The following ABHD5 variants were observed in gnomAD, a reference collection of about 807,000 sequenced individuals.
The protein encoded by ABHD5 is abhydrolase domain containing 5, lysophosphatidic acid acyltransferase.
ABHD5 carries 30 observed loss-of-function variants against 44.9 expected under a neutral mutation model. The observed-to-expected ratio is 0.67, with a 90% CI of 0.50 to 0.91. The LOEUF is 0.91. Among genes scored for constraint, ABHD5 ranks in the 40% least tolerant of loss-of-function variants. The pLI is 0.00. For missense variants in ABHD5, 399 were observed against 423.4 expected, an observed-to-expected ratio of 0.94 and a Z score of 0.50; for synonymous variants, 167 against 147.0, an observed-to-expected ratio of 1.14 and a Z score of -0.99.
intron 1 of ABHD5, 95 bp downstream of exon 1, chr3:43,691,134 G>A (rs1374980835): frequency 5.0e-5 from 62 of 1,248,714 alleles, no homozygotes; most frequent in Non-Finnish European, 6.2e-5. Flanking sequence ...AGGAGTCGCC[G>A]CCCGCCTGGC....
chr3:43,704,105 T>G (rs2149597316), intron 3 of ABHD5, among the ~76,000 whole-genome samples: 1 of 147,184 alleles, frequency 6.8e-6, no homozygotes, highest in South Asian at 2.2e-4. Flanking sequence ...TGGCGCGGTA[T>G]CTCGGCTCAC....
chr3:43,715,139 AT>A (rs928793904), intron 5 of ABHD5, 81 bp downstream of exon 5: 38 of 941,922 alleles, frequency 4.0e-5, no homozygotes, highest in Non-Finnish European at 4.9e-5. Flanking sequence ...GTTTTAGACT[AT>A]TTTTTTTAAA....
At chr3:43,694,148 A>G (rs1412562386) in intron 1 of ABHD5, among the ~76,000 whole-genome samples, 2 of 150,992 alleles carry the variant, frequency 1.3e-5, no homozygotes, top group Non-Finnish European at 2.9e-5. Flanking sequence ...AGTCCCAGCT[A>G]CTCGGGAGGC....
intron 2 of ABHD5, 146 bp downstream of exon 2, chr3:43,699,507 A>G (rs943251795): frequency 2.4e-6 from 2 of 825,354 alleles, no homozygotes; most frequent in Non-Finnish European, 4.0e-6. Flanking sequence ...ATTAGAAAGT[A>G]CAGAAATGAA....
intron 3 of ABHD5, among the ~76,000 whole-genome samples, chr3:43,704,120 A>C (rs1297331073): frequency 2.8e-5 from 4 of 142,602 alleles, no homozygotes; most frequent in African/African-American, 1.1e-4. Context: ...GCTCACCGCA[A>C]CCTCCGTCTC....
intron 4 of ABHD5, among the ~76,000 whole-genome samples, chr3:43,714,333 C>A (rs1377733434): frequency 4.6e-5 from 7 of 151,870 alleles, no homozygotes; most frequent in Admixed American, 6.6e-5. Flanking sequence ...CAGGGTTTCA[C>A]CGTGTTGGTC....
chr3:43,710,616 TACTA>T (rs1441627124), intron 3 of ABHD5, among the ~76,000 whole-genome samples: 1 of 152,250 alleles, frequency 6.6e-6, no homozygotes, highest in African/African-American at 2.4e-5. Context: ...ATGGACCTGT[TACTA>T]ACTTATTCTT....
chr3:43,701,985 C>T, intron 2 of ABHD5: 1 of 469,070 alleles, frequency 2.1e-6, no homozygotes, highest in Non-Finnish European at 3.8e-6. Context: ...ACCTTGATCA[C>T]AGGTTACTTG....
At chr3:43,703,623 G>A (rs530440981) in intron 3 of ABHD5, among the ~76,000 whole-genome samples, 1 of 152,292 alleles carries the variant, frequency 6.6e-6, no homozygotes, top group South Asian at 2.1e-4. Context: ...AATGAATACA[G>A]CATTTTTGTG....
intron 3 of ABHD5, among the ~76,000 whole-genome samples, chr3:43,703,315 A>G (rs574684143): frequency 1.8e-4 from 27 of 152,016 alleles, no homozygotes; most frequent in African/African-American, 6.0e-4. Flanking sequence ...AATAGCTGTG[A>G]CTACAGGTGC....
chr3:43,722,762 G>T (rs1465739079), downstream of ABHD5: 3 of 152,238 alleles, frequency 2.0e-5, no homozygotes, highest in East Asian at 5.8e-4. Context: ...TATTGGTAGT[G>T]TCATTTGGGT....
chr3:43,724,318 A>T (rs111708106), downstream of ABHD5, among the ~76,000 whole-genome samples: 16 of 152,284 alleles, frequency 1.1e-4, no homozygotes, highest in African/African-American at 3.8e-4. Context: ...GGGGTGATGT[A>T]TCAGCAAGGC....
rs1411206117 is a variant in ABHD5 at position 43,713,470 on chromosome 3, AC to A, written c.662-1474del. Among the ~76,000 whole-genome samples the A allele has an allele frequency of 5.3e-5, 8 of 152,166 alleles. No homozygotes were observed. The East Asian group carries it at 5.8e-4, about 11-fold the overall frequency. On this transcript the variant is annotated intron_variant, in intron 4 of 6. Transcript: ENST00000644371. ...TGTAAATGCTGTTCCCTTCTGCCCAACCCTGACCCCTCCTGCCCTAGTGCCT... is the reference window on the plus strand; with the variant it reads ...TGTAAATGCTGTTCCCTTCTGCCCAACCTGACCCCTCCTGCCCTAGTGCCT...
chr3:43,702,248 G>A lies in ABHD5; in HGVS notation c.167G>A (p.Arg56His), dbSNP rs757742884. 2.3e-5 allele frequency: 36 copies of A among 1,592,402 alleles called. No individual in the cohort carries two copies. Among genetic ancestry groups the A allele is most frequent in the Middle Eastern group, 1.7e-4 (1 of 5,986 alleles). Residue 56 changes from arginine to histidine, a missense_variant, in exon 3 of 7, where the codon CGT (arginine) becomes CAT (histidine). Physicochemically the swap from Arg to His is conservative, Grantham distance 29 (BLOSUM62 0). Transcript: ENST00000644371. ...TGCACATACAAAAAAGAACCTGTTC[G>A]TATATCTAATGGAAATAAAATATGG... ...VPCTYKKEPV[R>H]ISNGNKIWTL...
chr3:43,715,116 T>TGTGTGTGTGTGG, intron 5 of ABHD5, 58 bp downstream of exon 5: 1 of 1,152,720 alleles, frequency 8.7e-7, no homozygotes, highest in African/African-American at 1.5e-5. Flanking sequence ...TGTGTGTGTG[T>TGTGTGTGTGTGG]GTGTTTGTGT....
chr3:43,714,869 C>A, intron 4 of ABHD5, 78 bp from the exon 5 acceptor site: 3 of 1,016,846 alleles, frequency 3.0e-6, no homozygotes, highest in Non-Finnish European at 4.6e-6. Context: ...CAGACAAGCA[C>A]TAAAACTTTC....
At chr3:43,733,230 T>C (rs952918311) in intron 7 of ABHD5, among the ~76,000 whole-genome samples, 1 of 152,160 alleles carries the variant, frequency 6.6e-6, no homozygotes, top group Non-Finnish European at 1.5e-5. Flanking sequence ...TAGAGCTTAC[T>C]CACTACCACA....
intron 2 of ABHD5, among the ~76,000 whole-genome samples, chr3:43,701,735 T>C (rs2084544326): frequency 6.6e-6 from 1 of 152,184 alleles, no homozygotes; most frequent in Admixed American, 6.5e-5. Context: ...CTTCCCTAAA[T>C]TCATGACTAC....
chr3:43,706,681 T>A (rs2084624020), intron 3 of ABHD5, among the ~76,000 whole-genome samples: 1 of 152,180 alleles, frequency 6.6e-6, no homozygotes, highest in Non-Finnish European at 1.5e-5. Flanking sequence ...GTCAAACTCC[T>A]GGCCTCGAAT....
Sources: allele counts gnomAD v4.1 joint callset (sites outside exome capture counted in the v4.1 genomes callset), GRCh38; gene constraint gnomAD v4.1.1; transcripts MANE v1.5; gene names NCBI Gene and HGNC (gene_info 2026-07-23, HGNC 2026-07-21).